Variants in ACVR2A observed in about 807,000 individuals in gnomAD.
ACVR2A encodes the protein activin A receptor type 2A, also known as activin receptor type-2A.
ACVR2A carries 7 observed loss-of-function variants against 61.4 expected under a neutral mutation model. The ratio of observed to expected loss-of-function variants is 0.11; its 90% CI spans 0.06 to 0.21. The LOEUF (loss-of-function observed/expected upper bound fraction) is 0.21, where lower values mean the gene tolerates loss of function less well. Among genes scored for constraint, ACVR2A ranks in the 10% least tolerant of loss-of-function variants. The probability of loss-of-function intolerance (pLI) is 1.00; values close to 1 mark genes in which losing one functional copy is unlikely to be tolerated. For synonymous variants in ACVR2A, 193 were observed against 208.3 expected (o/e 0.93, Z 0.63); for missense variants, 322 against 621.7 (o/e 0.52, Z 5.13).
intron 2 of ACVR2A, 25 bp from the exon 3 acceptor site, chr2:147,899,433 T>G (rs1261055328): frequency 1.3e-6 from 2 of 1,523,124 alleles, no homozygotes; most frequent in Non-Finnish European, 1.8e-6. Context: ...TTGATTTTAA[T>G]TATTTTTTCT....
intron 1 of ACVR2A, among the ~76,000 whole-genome samples, chr2:147,882,871 G>A (rs1686341470): frequency 6.6e-6 from 1 of 151,990 alleles, no homozygotes; most frequent in Non-Finnish European, 1.5e-5. Flanking sequence ...CTTTAGAAGT[G>A]ATTGTTTGGT....
At chr2:147,885,973 G>A (rs529128404) in intron 1 of ACVR2A, among the ~76,000 whole-genome samples, 94 of 152,036 alleles carry the variant, frequency 6.2e-4, no homozygotes, top group Non-Finnish European at 9.4e-4. Flanking sequence ...ATTTATGGTA[G>A]CTTGCAAGTT....
intron 1 of ACVR2A, among the ~76,000 whole-genome samples, chr2:147,864,493 G>A (rs1007836736): frequency 2.6e-5 from 4 of 152,128 alleles, no homozygotes; most frequent in African/African-American, 9.7e-5. Flanking sequence ...GCCTCCCTAA[G>A]TGCTGGGATT....
chr2:147,861,340 G>T (rs1205464191), intron 1 of ACVR2A, among the ~76,000 whole-genome samples: 1 of 152,064 alleles, frequency 6.6e-6, no homozygotes, highest in African/African-American at 2.4e-5. Flanking sequence ...TATAATATTT[G>T]TATTTATTTG....
At chr2:147,845,350 C>CCCA in intron 1 of ACVR2A, 143 bp downstream of exon 1, 1 of 99,360 alleles carries the variant, frequency 1.0e-5, no homozygotes, top group South Asian at 1.6e-4. Context: ...CTGCCACCGC[C>CCCA]CCCCCCCCCC....
intron 9 of ACVR2A, among the ~76,000 whole-genome samples, chr2:147,923,518 T>C (rs1436438546): frequency 6.6e-6 from 1 of 152,054 alleles, no homozygotes; most frequent in Admixed American, 6.6e-5. Context: ...TAAGGTCATA[T>C]GGGTCCTGCC....
chr2:147,879,798 G>C (rs117485886), intron 1 of ACVR2A, among the ~76,000 whole-genome samples: 511 of 152,294 alleles, frequency 3.4e-3, no homozygotes, highest in East Asian at 8.1e-3. Context: ...GAACTGATTA[G>C]ATGGGATAAA....
chr2:147,887,365 C>G (rs1181954721), intron 1 of ACVR2A, among the ~76,000 whole-genome samples: 1 of 152,058 alleles, frequency 6.6e-6, no homozygotes, highest in Non-Finnish European at 1.5e-5. Flanking sequence ...GTCAATTTAC[C>G]AAATATTAAT....
intron 1 of ACVR2A, among the ~76,000 whole-genome samples, chr2:147,882,092 G>A (rs1307685965): frequency 6.6e-6 from 1 of 152,206 alleles, no homozygotes; most frequent in African/African-American, 2.4e-5. Flanking sequence ...TTAAGAAAGA[G>A]ATTTGAGAAA....
At chr2:147,893,357 T>C (rs929722687) in intron 1 of ACVR2A, among the ~76,000 whole-genome samples, 1 of 152,212 alleles carries the variant, frequency 6.6e-6, no homozygotes, top group African/African-American at 2.4e-5. Flanking sequence ...TACAGATTTT[T>C]ACATGGACTT....
intron 4 of ACVR2A, among the ~76,000 whole-genome samples, chr2:147,905,295 A>AT (rs1182410988): frequency 1.3e-5 from 2 of 152,022 alleles, no homozygotes; most frequent in African/African-American, 4.8e-5. Flanking sequence ...TCAGATTGAT[A>AT]TTTTTAATCT....
At chr2:147,870,899 C>G (rs1401580604) in intron 1 of ACVR2A, among the ~76,000 whole-genome samples, 2 of 151,640 alleles carry the variant, frequency 1.3e-5, no homozygotes, top group East Asian at 1.9e-4. Context: ...TTCTATGAAG[C>G]CTTTTTTAAT....
At chr2:147,845,436 A>G (rs1558956073) in intron 1 of ACVR2A, among the ~76,000 whole-genome samples, 1 of 144,864 alleles carries the variant, frequency 6.9e-6, no homozygotes, top group Non-Finnish European at 1.5e-5. Flanking sequence ...AGCTGATAAG[A>G]GTGAGTGCTG....
chr2:147,901,564 A>G (rs189452967), intron 4 of ACVR2A, among the ~76,000 whole-genome samples: 1 of 152,148 alleles, frequency 6.6e-6, no homozygotes, highest in African/African-American at 2.4e-5. Context: ...GTATCCGTAC[A>G]TCTCTGTGGG....
intron 1 of ACVR2A, among the ~76,000 whole-genome samples, chr2:147,855,625 C>T (rs1685551743): frequency 6.6e-6 from 1 of 152,092 alleles, no homozygotes; most frequent in East Asian, 1.9e-4. Flanking sequence ...AGCTTGCCTA[C>T]ACTTATCAGT....
chr2:147,930,551 G>A lies in ACVR2A; in HGVS notation c.*3277G>A, dbSNP rs541546889. Reference sequence around the variant, plus strand: ...ACCTCAGATATTCAACCAGCAGTACGTTTTTTATGCAGTCTCAACCCATAT... The same window carrying A: ...ACCTCAGATATTCAACCAGCAGTACATTTTTTATGCAGTCTCAACCCATAT... On this transcript the variant is annotated 3_prime_UTR_variant, in exon 11 of 11. Transcript: ENST00000241416. The A allele has an allele frequency of 6.6e-6, 1 of 152,376 alleles. No individual in the cohort carries two copies. Among genetic ancestry groups the A allele is most frequent in the South Asian group, 2.1e-4 (1 of 4,818 alleles). The allele number at this position is 152,376 out of a possible 1,614,324, so 9.4% of individuals were successfully genotyped here.
intron 5 of ACVR2A, among the ~76,000 whole-genome samples, chr2:147,916,159 G>C (rs1374243511): frequency 6.6e-6 from 1 of 151,562 alleles, no homozygotes; most frequent in Non-Finnish European, 1.5e-5. Flanking sequence ...TACCTCCTCT[G>C]TTCAGTCTAT....
chr2:147,886,670 T>C (rs925996674), intron 1 of ACVR2A, among the ~76,000 whole-genome samples: 3 of 152,136 alleles, frequency 2.0e-5, no homozygotes, highest in Admixed American at 6.5e-5. Flanking sequence ...AGTAGTTGAG[T>C]TTTTATTCAG....
At chr2:147,844,732 A>G (rs1176860844), upstream of ACVR2A, 1 of 140,730 alleles carries the variant, frequency 7.1e-6, no homozygotes, top group African/African-American at 2.6e-5. Flanking sequence ...GGACCCAGTC[A>G]GTTCCCAGAC....
Sources: allele counts gnomAD v4.1 joint callset (sites outside exome capture counted in the v4.1 genomes callset), GRCh38; gene constraint gnomAD v4.1.1; transcripts MANE v1.5; gene names NCBI Gene and HGNC (gene_info 2026-07-23, HGNC 2026-07-21).